The following MIPOL1 variants were observed in gnomAD, a reference collection of about 807,000 sequenced individuals.
The protein encoded by MIPOL1 is mirror-image polydactyly 1, also known as mirror-image polydactyly gene 1 protein.
A neutral mutation model predicts 60.9 loss-of-function variants in MIPOL1; 57 were observed. The ratio of observed to expected loss-of-function variants is 0.94; its 90% CI spans 0.76 to 1.17. The LOEUF (loss-of-function observed/expected upper bound fraction) is 1.17. Ranked by LOEUF, MIPOL1 falls within the 50% of genes most tolerant of loss-of-function variation. MIPOL1 has a pLI of 0.00. For synonymous variants in MIPOL1, 179 were observed against 168.8 expected (o/e 1.06, Z -0.47); for missense variants, 551 against 511.6 (o/e 1.08, Z -0.74).
intron 9 of MIPOL1, among the ~76,000 whole-genome samples, chr14:37,358,219 T>G (rs921102950): frequency 4.6e-5 from 7 of 152,230 alleles, no homozygotes; most frequent in South Asian, 2.1e-4. Context: ...TGTGCCACAT[T>G]TTCTTAATCC....
chr14:37,468,804 A>G (rs1164379497), intron 11 of MIPOL1, among the ~76,000 whole-genome samples: 3 of 152,030 alleles, frequency 2.0e-5, no homozygotes, highest in Non-Finnish European at 4.4e-5. Flanking sequence ...TTTCTTGGAG[A>G]CTCTCCTATC....
intron 12 of MIPOL1, among the ~76,000 whole-genome samples, chr14:37,522,416 T>C (rs2095420172): frequency 6.6e-6 from 1 of 152,200 alleles, no homozygotes. Flanking sequence ...AATTTGTTTG[T>C]GTTAGTGGAC....
intron 10 of MIPOL1, among the ~76,000 whole-genome samples, chr14:37,403,470 C>A: frequency 9.0e-6 from 1 of 110,498 alleles, no homozygotes; most frequent in African/African-American, 3.5e-5. Context: ...GAGATGGAGT[C>A]TCGCTGTCTT....
At chr14:37,368,877 T>C (rs898461589) in intron 9 of MIPOL1, among the ~76,000 whole-genome samples, 1 of 152,102 alleles carries the variant, frequency 6.6e-6, no homozygotes, top group African/African-American at 2.4e-5. Context: ...TTATATTCTT[T>C]ACTTGTATTC....
chr14:37,292,188 G>A (rs1313537766), intron 7 of MIPOL1, among the ~76,000 whole-genome samples: 3 of 152,044 alleles, frequency 2.0e-5, no homozygotes, highest in African/African-American at 7.2e-5. Flanking sequence ...GCTTCCCAAA[G>A]TGCTGGGATT....
chr14:37,454,998 C>T (rs2094461511), intron 11 of MIPOL1, among the ~76,000 whole-genome samples: 1 of 152,152 alleles, frequency 6.6e-6, no homozygotes, highest in South Asian at 2.1e-4. Flanking sequence ...ACATACTCCT[C>T]TGGATTTTTT....
intron 9 of MIPOL1, among the ~76,000 whole-genome samples, chr14:37,366,975 G>A (rs1303110982): frequency 6.6e-6 from 1 of 151,828 alleles, no homozygotes; most frequent in African/African-American, 2.4e-5. Context: ...AGCTACTCCT[G>A]CCCTTTCTGT....
chr14:37,257,133 T>TGTGTG (rs1594768334), intron 3 of MIPOL1, among the ~76,000 whole-genome samples: 109 of 71,024 alleles, frequency 1.5e-3, no homozygotes, highest in African/African-American at 4.5e-3. Flanking sequence ...GTGTGTGTGT[T>TGTGTG]TGAGAAACAA....
chr14:37,371,251 C>T (rs1177712416), intron 10 of MIPOL1, among the ~76,000 whole-genome samples: 1 of 151,698 alleles, frequency 6.6e-6, no homozygotes, highest in Non-Finnish European at 1.5e-5. Flanking sequence ...TCCCGGGTAG[C>T]TGAGACTACA....
chr14:37,509,230 C>G (rs1407901949), intron 12 of MIPOL1, among the ~76,000 whole-genome samples: 1 of 152,048 alleles, frequency 6.6e-6, no homozygotes, highest in Non-Finnish European at 1.5e-5. Flanking sequence ...CTTCACTCCT[C>G]ACTCCCCTGA....
intron 12 of MIPOL1, among the ~76,000 whole-genome samples, chr14:37,525,048 G>T (rs1358048684): frequency 2.0e-5 from 3 of 152,158 alleles, no homozygotes; most frequent in African/African-American, 4.8e-5. Context: ...AAGGATAGAA[G>T]ATGAATGAGA....
chr14:37,283,014 T>C (rs2084250985), intron 6 of MIPOL1, among the ~76,000 whole-genome samples: 1 of 152,102 alleles, frequency 6.6e-6, no homozygotes, highest in Non-Finnish European at 1.5e-5. Context: ...AAAACGGGAC[T>C]ACTGTATCAA....
intron 7 of MIPOL1, among the ~76,000 whole-genome samples, chr14:37,298,058 A>C (rs1481094777): frequency 3.9e-5 from 6 of 152,192 alleles, no homozygotes; most frequent in Non-Finnish European, 7.3e-5. Context: ...CTATACTACA[A>C]GGCTACAGTA....
intron 12 of MIPOL1, among the ~76,000 whole-genome samples, chr14:37,516,623 G>C (rs1397835100): frequency 3.3e-5 from 5 of 152,116 alleles, no homozygotes; most frequent in East Asian, 1.9e-4. Context: ...GGAAGACTTT[G>C]AACTTTAATT....
At chr14:37,290,489 G>T (rs529431101) in intron 7 of MIPOL1, among the ~76,000 whole-genome samples, 1 of 152,068 alleles carries the variant, frequency 6.6e-6, no homozygotes, top group African/African-American at 2.4e-5. Flanking sequence ...GCCTCCCAAA[G>T]TACTGGGATT....
At position 37,270,532 on chromosome 14, in the gene MIPOL1, T is replaced by A; in HGVS notation, c.493+7T>A. 6.7e-7 allele frequency: 1 copy of A among 1,491,636 alleles called. No homozygotes were observed. Among genetic ancestry groups the A allele is most frequent in the Non-Finnish European group, 9.2e-7 (1 of 1,085,730 alleles). The allele number at this position is 1,491,636 out of a possible 1,614,324, so 92.4% of individuals were successfully genotyped here. The stretch of plus-strand genomic sequence containing the variant: ...ATTGCTGAAAAGACAGCAGGTATAG[T>A]AGAGGAGTATTAACACATGGCTTGA... On this transcript the variant is annotated splice_region_variant and intron_variant, in intron 6 of 12. Transcript: ENST00000684589.
At chr14:37,461,932 G>A (rs548509101) in intron 11 of MIPOL1, among the ~76,000 whole-genome samples, 10 of 152,258 alleles carry the variant, frequency 6.6e-5, no homozygotes, top group African/African-American at 2.4e-4. Flanking sequence ...GGCACACAGT[G>A]CAAGCTGTCA....
chr14:37,270,998 C>T (rs975190338), intron 6 of MIPOL1, among the ~76,000 whole-genome samples: 2 of 152,068 alleles, frequency 1.3e-5, no homozygotes, highest in Non-Finnish European at 2.9e-5. Context: ...AAGTTTTCAT[C>T]TGATGACGTA....
At chr14:37,409,853 A>G (rs2153538152) in intron 10 of MIPOL1, among the ~76,000 whole-genome samples, 1 of 152,308 alleles carries the variant, frequency 6.6e-6, no homozygotes, top group South Asian at 2.1e-4. Context: ...AAAATTACCC[A>G]TAGTTCAACA....
Sources: allele counts gnomAD v4.1 joint callset (sites outside exome capture counted in the v4.1 genomes callset), GRCh38; gene constraint gnomAD v4.1.1; transcripts MANE v1.5; gene names NCBI Gene and HGNC (gene_info 2026-07-23, HGNC 2026-07-21).